The following MYO9B variants were observed in gnomAD, a reference collection of about 807,000 sequenced individuals.
The protein encoded by MYO9B is myosin IXB.
A neutral mutation model predicts 229.5 loss-of-function variants in MYO9B; 71 were observed. That is an observed-to-expected ratio of 0.31 (90% CI 0.26 to 0.38). The LOEUF (loss-of-function observed/expected upper bound fraction) is 0.38, where lower values mean the gene tolerates loss of function less well. Among genes scored for constraint, MYO9B ranks in the 10% least tolerant of loss-of-function variants. The pLI, the probability that MYO9B is intolerant of heterozygous loss-of-function variation, is 1.00. For missense variants in MYO9B, 2,255 were observed against 2,920.5 expected, an observed-to-expected ratio of 0.77 and a Z score of 5.25; for synonymous variants, 1,185 against 1,235.8, an observed-to-expected ratio of 0.96 and a Z score of 0.86.
chr19:17,117,666 G>A (rs553359281), intron 2 of MYO9B, among the ~76,000 whole-genome samples: 3 of 152,144 alleles, frequency 2.0e-5, no homozygotes, highest in Admixed American at 6.6e-5. Context: ...AGCCCGATGC[G>A]GTGGCTCACG....
rs994050328 is a variant in MYO9B at position 17,078,363 on chromosome 19, A to G, written c.-59+2489A>G. On this transcript the variant is annotated intron_variant, in intron 1 of 39. Transcript: ENST00000682292. ...AAGACCAGCCTGACCAATATGGAGA[A>G]ACCCTGTCTCCACTAAAAATACAAA... is the stretch of plus-strand genomic sequence containing the variant. Among the ~76,000 whole-genome samples, 8 of 152,230 alleles carry G rather than the reference A, an allele frequency of 5.3e-5. No homozygotes were observed. In the South Asian group the frequency reaches 1.7e-3, roughly 32 times the overall value.
At chr19:17,163,372 C>CG (rs1555699384) in intron 10 of MYO9B, among the ~76,000 whole-genome samples, 2 of 92,394 alleles carry the variant, frequency 2.2e-5, no homozygotes, top group Non-Finnish European at 3.9e-5. Context: ...CCCCATTCCA[C>CG]TTTTTTTTTT....
Position 17,195,887 on chromosome 19 carries a change from TCCAGC to T in MYO9B, c.4046+415_4046+419del. Among the ~76,000 whole-genome samples, 1 of 151,934 alleles carries T rather than the reference TCCAGC, an allele frequency of 6.6e-6. No homozygotes were observed. The highest frequency in any genetic ancestry group is 1.5e-5 in the Non-Finnish European group (1 of 67,988). ...AGCCAAGTGTCAGTGACTTGGAATCTCCAGCTCCCTCTTCCAGAGGGCCTGCAGGA... is the reference window on the plus strand; with the variant it reads ...AGCCAAGTGTCAGTGACTTGGAATCTTCCCTCTTCCAGAGGGCCTGCAGGA... On this transcript the variant is annotated intron_variant, in intron 22 of 39. Coordinates refer to ENST00000682292, the MANE Select transcript of MYO9B (RefSeq NM_004145.4). This position sits in a 1 kb window ranked among gnomAD's most constrained non-coding sequence, Gnocchi z 4.5.
chr19:17,202,463 C>T (rs1003791092), intron 28 of MYO9B, among the ~76,000 whole-genome samples, 160 bp downstream of exon 28: 1 of 151,850 alleles, frequency 6.6e-6, no homozygotes, highest in Admixed American at 6.6e-5. Context: ...TCCACTTATG[C>T]CATGCTTACC....
intron 2 of MYO9B, among the ~76,000 whole-genome samples, chr19:17,129,686 G>A (rs925209795): frequency 1.3e-5 from 2 of 152,198 alleles, no homozygotes; most frequent in South Asian, 2.1e-4. Context: ...AAAGGAATGC[G>A]AGTTGAAGAG....
At chr19:17,176,891 A>G (rs1173110051) in intron 14 of MYO9B, among the ~76,000 whole-genome samples, 2 of 152,198 alleles carry the variant, frequency 1.3e-5, no homozygotes, top group African/African-American at 4.8e-5. Context: ...AGCATGTGCC[A>G]GCACCAGGGT....
At chr19:17,134,381 G>GTTTTTTTTTTTTTTTTTTT (rs869297825) in intron 2 of MYO9B, among the ~76,000 whole-genome samples, 1 of 46,476 alleles carries the variant, frequency 2.2e-5, no homozygotes, top group Non-Finnish European at 3.8e-5. Context: ...CGTTTTGTTT[G>GTTTTTTTTTTTTTTTTTTT]TTTTTTTTTT....
At chr19:17,115,739 G>C (rs1186460417) in intron 2 of MYO9B, among the ~76,000 whole-genome samples, 1 of 151,720 alleles carries the variant, frequency 6.6e-6, no homozygotes, top group East Asian at 1.9e-4. Context: ...CAAAGTGCTG[G>C]GATTACAGGT....
intron 2 of MYO9B, among the ~76,000 whole-genome samples, chr19:17,134,610 C>T (rs1241140837): frequency 1.3e-5 from 2 of 151,368 alleles, no homozygotes; most frequent in East Asian, 2.0e-4. Context: ...AGGTTGGTGT[C>T]GAACTGACCT....
intron 14 of MYO9B, among the ~76,000 whole-genome samples, chr19:17,179,556 G>A (rs1040085629): frequency 9.3e-5 from 14 of 150,392 alleles, no homozygotes; most frequent in South Asian, 6.3e-4. Flanking sequence ...CCTCCGGAGT[G>A]ACTGGGACTA....
At position 17,195,566 on chromosome 19, in the gene MYO9B, T is replaced by C. The variant is rs537137943; in HGVS notation, c.4046+93T>C. ...GCCACACATCCTGGAAACACATGTG[T>C]AATCATGCCCAGTGGGTGTGCGGGA... is the stretch of plus-strand genomic sequence containing the variant. On this transcript the variant is annotated intron_variant, in intron 22 of 39. Coordinates refer to ENST00000682292, the MANE Select transcript of MYO9B (RefSeq NM_004145.4). This position sits in a 1 kb window ranked among gnomAD's most constrained non-coding sequence, Gnocchi z 4.5. 50 of 1,449,884 alleles carry C rather than the reference T, an allele frequency of 3.4e-5. No homozygotes were observed. The African/African-American group carries it at 4.8e-4, about 14-fold the overall frequency. The allele number at this position is 1,449,884 out of a possible 1,614,324, so 89.8% of individuals were successfully genotyped here. A position where few individuals can be genotyped will look rare whatever the true frequency, so the allele number is the denominator to read the frequency against.
intron 16 of MYO9B, 100 bp from the exon 17 acceptor site, chr19:17,184,765 G>A (rs530868758): frequency 1.1e-5 from 16 of 1,512,224 alleles, no homozygotes; most frequent in South Asian, 7.1e-5. Flanking sequence ...CACTCGCTGC[G>A]GGGACGCTGT....
chr19:17,166,433 G>A (rs1448474493), intron 10 of MYO9B, among the ~76,000 whole-genome samples: 1 of 151,850 alleles, frequency 6.6e-6, no homozygotes, highest in Non-Finnish European at 1.5e-5. Context: ...TATCTAGTAA[G>A]TTTATGTAAC....
chr19:17,124,775 A>G (rs1415972237), intron 2 of MYO9B, among the ~76,000 whole-genome samples: 1 of 151,764 alleles, frequency 6.6e-6, no homozygotes, highest in East Asian at 1.9e-4. Context: ...AAAAAAAAAA[A>G]AAAGGTACAA....
In MYO9B at chr19:17,185,941, G is replaced by A; in HGVS notation, c.2517G>A (p.Leu839=). 4 of 1,613,928 alleles carry A rather than the reference G, an allele frequency of 2.5e-6. No individual in the cohort carries two copies. Among genetic ancestry groups the A allele is most frequent in the Non-Finnish European group, 3.4e-6 (4 of 1,179,820 alleles). The change falls in exon 18 of 40, where the codon TTG becomes TTA. Residue 839 remains leucine (L), a synonymous_variant. Transcript: ENST00000682292. The part of the protein sequence containing the change: ...AQFQTSLNKL[L]EALGKAEPFF... ...AACAGACATCCCTTAACAAGCTCTTGGAGGCACTGGGGAAGGCGGAGCCCT... is the reference window on the plus strand; with the variant it reads ...AACAGACATCCCTTAACAAGCTCTTAGAGGCACTGGGGAAGGCGGAGCCCT...
At chr19:17,175,279 T>TAAAAA (rs568328254) in intron 13 of MYO9B, among the ~76,000 whole-genome samples, 5 of 129,156 alleles carry the variant, frequency 3.9e-5, no homozygotes, top group African/African-American at 1.4e-4. Flanking sequence ...GGTAAAAAAT[T>TAAAAA]AAAAAAAAAA....
At chr19:17,155,580 C>A (rs1205570073) in intron 6 of MYO9B, among the ~76,000 whole-genome samples, 2 of 152,024 alleles carry the variant, frequency 1.3e-5, no homozygotes, top group Non-Finnish European at 2.9e-5. Flanking sequence ...GAGTTGGAGA[C>A]CAGCCTGGGT....
At chr19:17,096,201 G>T (rs8109466) in intron 1 of MYO9B, among the ~76,000 whole-genome samples, 116,699 of 152,030 alleles carry the variant, frequency 0.77, 45,315 homozygotes, top group African/African-American at 0.87. Context: ...TGTGGTCAGT[G>T]TGTTCATTCG....
At chr19:17,096,797 C>G (rs2057697070) in intron 1 of MYO9B, among the ~76,000 whole-genome samples, 1 of 148,600 alleles carries the variant, frequency 6.7e-6, no homozygotes, top group South Asian at 2.2e-4. Flanking sequence ...GCTCCGCCTT[C>G]CGGGTTCACG....
Sources: allele counts gnomAD v4.1 joint callset (sites outside exome capture counted in the v4.1 genomes callset), GRCh38; gene constraint gnomAD v4.1.1; non-coding constraint Gnocchi (gnomAD v3.1); transcripts MANE v1.5; gene names NCBI Gene and HGNC (gene_info 2026-07-23, HGNC 2026-07-21).